Variants in COL23A1 observed in about 807,000 individuals in gnomAD.
COL23A1 encodes collagen alpha-1(XXIII) chain.
In COL23A1, 97 loss-of-function variants were observed where a neutral mutation model predicts 99.3. That is an observed-to-expected ratio of 0.98 (90% confidence interval 0.83 to 1.16). The LOEUF is 1.16. COL23A1 is among the 50% of genes most tolerant of loss of function. The probability of loss-of-function intolerance (pLI) is 0.00; values close to 1 mark genes in which losing one functional copy is unlikely to be tolerated. For missense variants in COL23A1, 762 were observed against 757.4 expected (o/e 1.01, Z -0.07); for synonymous variants, 320 against 308.2 (o/e 1.04, Z -0.40).
chr5:178,498,238 AT>A lies in COL23A1; in HGVS notation c.361+62443del, dbSNP rs1562025592. Among the ~76,000 whole-genome samples the A allele has an allele frequency of 1.7e-3, 104 of 62,420 alleles. 5 individuals carry two copies. Among genetic ancestry groups the A allele is most frequent in the African/African-American group, 7.7e-3 (90 of 11,754 alleles). 40.9% of individuals were successfully genotyped at this position (62,420 alleles called of 152,430 possible). A position where few individuals can be genotyped will look rare whatever the true frequency, so the allele number is the denominator to read the frequency against. On this transcript the variant is annotated intron_variant, in intron 2 of 28. Transcript: ENST00000390654. ...TATATATATATATATATATATATAT[AT>A]ATATATATATATATATATAAAAGAA...
At chr5:178,570,702 G>A (rs1344523383) in intron 1 of COL23A1, among the ~76,000 whole-genome samples, 1 of 152,162 alleles carries the variant, frequency 6.6e-6, no homozygotes, top group Non-Finnish European at 1.5e-5. Context: ...CTTTGAGACA[G>A]GCAACAACTG....
chr5:178,424,584 G>A (rs944890800), intron 2 of COL23A1, among the ~76,000 whole-genome samples: 3 of 152,178 alleles, frequency 2.0e-5, no homozygotes, highest in African/African-American at 2.4e-5. Flanking sequence ...CACCGGCAAC[G>A]CTCAGAACTG....
chr5:178,457,591 T>C (rs1301882130), intron 2 of COL23A1, among the ~76,000 whole-genome samples: 4 of 152,158 alleles, frequency 2.6e-5, no homozygotes, highest in Admixed American at 2.0e-4. Context: ...ACTTCAAATA[T>C]GGAATATTAT....
rs146982862 is a variant in COL23A1, at chr5:178,385,194, C to T, written c.362-78275G>A. Among the ~76,000 whole-genome samples the T allele has an allele frequency of 7.2e-5, 11 of 152,300 alleles. No individual in the cohort carries two copies. The East Asian group carries it at 2.1e-3, about 29-fold the overall frequency. ...AGGAACTGGGGCTCAGTCCTTTCTG[C>T]TCCTGGAGCCTCTCAGACTCTTCTC... On this transcript the variant is annotated intron_variant, in intron 2 of 28. Transcript: ENST00000390654.
intron 2 of COL23A1, among the ~76,000 whole-genome samples, chr5:178,360,930 G>A (rs773153671): frequency 6.6e-6 from 1 of 152,178 alleles, no homozygotes; most frequent in South Asian, 2.1e-4. Context: ...AGGCCAACAC[G>A]ACGCTGAAGA....
In COL23A1 at chr5:178,262,173, A is replaced by G. The variant is rs765483423; in HGVS notation, c.675+44T>C. The G allele has an allele frequency of 7.7e-6, 12 of 1,561,068 alleles. No homozygotes were observed. The South Asian group carries it at 1.2e-4, about 15-fold the overall frequency. Reference sequence around the variant, plus strand: ...AAAGGGGCTTCCAGGTCTGGGAACCATGATCCTAGCAGCCCAGGCCTCTGG... The same window carrying G: ...AAAGGGGCTTCCAGGTCTGGGAACCGTGATCCTAGCAGCCCAGGCCTCTGG... On this transcript the variant is annotated intron_variant, in intron 10 of 28. Transcript: ENST00000390654.
At chr5:178,547,850 TACACAC>T in intron 2 of COL23A1, among the ~76,000 whole-genome samples, 1 of 3,644 alleles carries the variant, frequency 2.7e-4, no homozygotes, top group Non-Finnish European at 4.5e-4. Context: ...CCCACCCACC[TACACAC>T]ACCCACACCC....
chr5:178,332,186 G>C (rs373710857), intron 2 of COL23A1, among the ~76,000 whole-genome samples: 5 of 152,198 alleles, frequency 3.3e-5, no homozygotes, highest in African/African-American at 1.2e-4. Context: ...GCTTGGAGTG[G>C]TCGTCTGCAG....
chr5:178,365,289 T>C lies in COL23A1; in HGVS notation c.362-58370A>G, dbSNP rs11956359. On this transcript the variant is annotated intron_variant, in intron 2 of 28. Transcript: ENST00000390654. This position sits in a 1 kb window ranked among gnomAD's most constrained non-coding sequence, Gnocchi z 5.2. The stretch of plus-strand genomic sequence containing the variant: ...TGGTGTGGGAGAGCGAGGTTGTGCT[T>C]TGATGCATGGGGTAGAGGAACCCTA... Among the ~76,000 whole-genome samples the C allele has an allele frequency of 0.056, 8,573 of 151,988 alleles. 722 individuals are homozygous for C. Among genetic ancestry groups the C allele is most frequent in the African/African-American group, 0.18 (7,482 of 41,400 alleles).
intron 5 of COL23A1, among the ~76,000 whole-genome samples, chr5:178,270,598 C>G (rs1756235819): frequency 6.6e-6 from 1 of 152,220 alleles, no homozygotes; most frequent in Non-Finnish European, 1.5e-5. Context: ...GACCACCCCC[C>G]ATCTCAACCC....
At chr5:178,541,900 G>C (rs1761310201) in intron 2 of COL23A1, among the ~76,000 whole-genome samples, 1 of 152,188 alleles carries the variant, frequency 6.6e-6, no homozygotes, top group Non-Finnish European at 1.5e-5. Flanking sequence ...TGAGAAATCG[G>C]GATTATGTGC....
At chr5:178,286,738 C>T (rs1757174424) in intron 5 of COL23A1, among the ~76,000 whole-genome samples, 1 of 152,208 alleles carries the variant, frequency 6.6e-6, no homozygotes, top group Non-Finnish European at 1.5e-5. Flanking sequence ...GGGACGCAGA[C>T]CCTGGCACCT....
In COL23A1 at chr5:178,403,134, A is replaced by AAT. The variant is rs1554159506; in HGVS notation, c.362-96216_362-96215insAT. Among the ~76,000 whole-genome samples, 37 of 146,404 alleles carry AAT rather than the reference A, an allele frequency of 2.5e-4. 2 individuals carry two copies. Among genetic ancestry groups the AAT allele is most frequent in the African/African-American group, 9.7e-4 (37 of 38,068 alleles). On this transcript the variant is annotated intron_variant, in intron 2 of 28. Transcript: ENST00000390654. The stretch of plus-strand genomic sequence containing the variant: ...AAAAAAAAAAAAAATAAATAAATAA[A>AAT]AAATAAATACCATTTACCGAAATCT...
chr5:178,571,706 C>G (rs1334552874), intron 1 of COL23A1, among the ~76,000 whole-genome samples: 2 of 152,174 alleles, frequency 1.3e-5, no homozygotes, highest in African/African-American at 4.8e-5. Flanking sequence ...CACACAAAGA[C>G]ATTAAAGCAA....
intron 2 of COL23A1, among the ~76,000 whole-genome samples, chr5:178,457,000 T>C (rs1767834719): frequency 6.6e-6 from 1 of 152,156 alleles, no homozygotes; most frequent in Non-Finnish European, 1.5e-5. Context: ...TAAAGAACCA[T>C]TCATTACTAT....
At chr5:178,414,270 C>T (rs1561950253) in intron 2 of COL23A1, among the ~76,000 whole-genome samples, 1 of 152,206 alleles carries the variant, frequency 6.6e-6, no homozygotes, top group Admixed American at 6.5e-5. Context: ...GTATCTACCA[C>T]CTGCTGGCAG....
chr5:178,326,416 A>T (rs569955324), intron 2 of COL23A1, among the ~76,000 whole-genome samples: 1,961 of 150,438 alleles, frequency 0.013, 24 homozygotes, highest in Non-Finnish European at 0.017. Flanking sequence ...AGAACATTTA[A>T]AAAAAAAAAA....
intron 2 of COL23A1, among the ~76,000 whole-genome samples, chr5:178,482,721 G>A (rs796969586): frequency 5.7e-4 from 86 of 152,072 alleles, no homozygotes; most frequent in African/African-American, 1.8e-3. Context: ...GTGAAACCCC[G>A]TTGCTACCGT....
At chr5:178,540,020 A>T (rs2113320155) in intron 2 of COL23A1, among the ~76,000 whole-genome samples, 1 of 152,366 alleles carries the variant, frequency 6.6e-6, no homozygotes. Context: ...TCATATGATC[A>T]TCTCATAAAT....
Sources: gnomAD v4.1 joint callset for allele counts (sites outside exome capture counted in the v4.1 genomes callset) on GRCh38, gnomAD v4.1.1 for gene constraint, Gnocchi (gnomAD v3.1) non-coding constraint, MANE v1.5 for transcripts, NCBI Gene and HGNC (gene_info 2026-07-23, HGNC 2026-07-21) for gene names.